ASPSCR1: variants seen among roughly 807,000 people sequenced by gnomAD.
ASPSCR1 encodes the protein ASPSCR1 tether for SLC2A4, UBX domain containing.
Under a neutral mutation model 68.9 loss-of-function variants are expected in ASPSCR1, and 55 were observed. The observed-to-expected ratio is 0.80, with a 90% confidence interval of 0.64 to 1.00. The LOEUF (loss-of-function observed/expected upper bound fraction) is 1.00, where lower values mean the gene tolerates loss of function less well. ASPSCR1 is among the 50% of genes least tolerant of loss of function. ASPSCR1 has a pLI of 0.00. For missense variants in ASPSCR1, 765 were observed against 762.2 expected (o/e 1.00, Z -0.04); for synonymous variants, 352 against 332.6 (o/e 1.06, Z -0.63).
In ASPSCR1 at chr17:81,999,889, G is replaced by T. The variant is rs570310841; in HGVS notation, c.933+3043G>T. Among the ~76,000 whole-genome samples, 2 of 152,200 alleles carry T rather than the reference G, an allele frequency of 1.3e-5. No homozygotes were observed. The highest frequency in any genetic ancestry group is 4.8e-5 in the African/African-American group (2 of 41,448). ...GGGCTCCCATCTAGCCCGGCGTCAG[G>T]GTCCAGCCCCTCTGTTTTCTGTCCC... is the stretch of plus-strand genomic sequence containing the variant. On this transcript the variant is annotated intron_variant, in intron 7 of 15. Transcript: ENST00000306739. The surrounding 1 kb of genome is among the most constrained non-coding windows in gnomAD (Gnocchi z 4.4).
Position 81,996,213 on chromosome 17 carries a change from G to T in ASPSCR1, c.506+148G>T, listed in dbSNP as rs575747075. 297 of 1,339,052 alleles carry T rather than the reference G, an allele frequency of 2.2e-4. 2 individuals carry two copies. The African/African-American group carries it at 4.0e-3, about 18-fold the overall frequency. The allele number at this position is 1,339,052 out of a possible 1,614,324, so 82.9% of individuals were successfully genotyped here. A position where few individuals can be genotyped will look rare whatever the true frequency, so the allele number is the denominator to read the frequency against. ...AGCGCCTGGTGGCCTCTGCCTGCCT[G>T]TGGGCGTGGGGGCTGGGCTGCCCCG... is the stretch of plus-strand genomic sequence containing the variant. On this transcript the variant is annotated intron_variant, in intron 6 of 15. Coordinates refer to ENST00000306739, the MANE Select transcript of ASPSCR1 (RefSeq NM_024083.4).
At chr17:81,989,740 C>T (rs1464048986) in intron 4 of ASPSCR1, among the ~76,000 whole-genome samples, 2 of 152,180 alleles carry the variant, frequency 1.3e-5, no homozygotes, top group Non-Finnish European at 2.9e-5. Context: ...AGCCCTGGCC[C>T]GACCAGCGTC....
intron 7 of ASPSCR1, chr17:82,007,779 C>T (rs937121146): frequency 1.3e-5 from 2 of 152,250 alleles, no homozygotes; most frequent in East Asian, 1.9e-4. Context: ...CAGGCGTGCT[C>T]GCGGCCCTCT....
At chr17:81,989,189 CAG>C (rs2042086480) in intron 4 of ASPSCR1, among the ~76,000 whole-genome samples, 1 of 152,206 alleles carries the variant, frequency 6.6e-6, no homozygotes, top group Non-Finnish European at 1.5e-5. Context: ...GCCTGGGCGA[CAG>C]AGCAAGACTC....
chr17:82,009,211 C>T lies in ASPSCR1; in HGVS notation c.1088+20C>T. The T allele has an allele frequency of 1.3e-6, 2 of 1,583,522 alleles. No homozygotes were observed. Among genetic ancestry groups the T allele is most frequent in the Non-Finnish European group, 1.7e-6 (2 of 1,161,752 alleles). The stretch of plus-strand genomic sequence containing the variant: ...TGAGCGGTGGGTGCCCCCTCAGTGC[C>T]TCCCGGCATCTTCGCGCCAGGGTTT... On this transcript the variant is annotated intron_variant, in intron 8 of 15. Coordinates refer to ENST00000306739, the MANE Select transcript of ASPSCR1 (RefSeq NM_024083.4).
At chr17:81,993,939 C>T (rs755751868) in intron 4 of ASPSCR1, among the ~76,000 whole-genome samples, 15 of 152,162 alleles carry the variant, frequency 9.9e-5, no homozygotes, top group Non-Finnish European at 2.2e-4. Context: ...CTCTCGGATT[C>T]CCCTCCCTGG....
chr17:82,012,626 G>A (rs952101614), intron 12 of ASPSCR1, among the ~76,000 whole-genome samples: 2 of 152,296 alleles, frequency 1.3e-5, no homozygotes, highest in East Asian at 1.9e-4. Flanking sequence ...GGAAGGGCCC[G>A]GCAGGCCTCG....
intron 11 of ASPSCR1, 114 bp downstream of exon 11, chr17:82,011,719 C>T: frequency 8.4e-7 from 1 of 1,186,882 alleles, no homozygotes. Context: ...GGAGCAGCAT[C>T]TGTGGCCTCC....
chr17:82,006,428 G>C (rs765651899), intron 7 of ASPSCR1: 1 of 152,200 alleles, frequency 6.6e-6, no homozygotes, highest in Non-Finnish European at 1.5e-5. Flanking sequence ...GAATGCAGCC[G>C]AATGATCACA....
At chr17:82,007,435 C>T (rs960307932) in intron 7 of ASPSCR1, 6 of 152,310 alleles carry the variant, frequency 3.9e-5, no homozygotes, top group Non-Finnish European at 7.3e-5. Flanking sequence ...TGGCCCCCAT[C>T]CTGGAGGCAC....
chr17:81,981,463 C>CT (rs2041792815), intron 2 of ASPSCR1, among the ~76,000 whole-genome samples: 1 of 152,260 alleles, frequency 6.6e-6, no homozygotes, highest in Admixed American at 6.5e-5. Context: ...ACTGCAACCT[C>CT]TGTCTCCCAG....
chr17:82,014,765 T>C, intron 12 of ASPSCR1: 1 of 452,820 alleles, frequency 2.2e-6, no homozygotes, highest in Non-Finnish European at 4.0e-6. Flanking sequence ...GACGTGGGCC[T>C]CCTTTCGGAA....
intron 7 of ASPSCR1, among the ~76,000 whole-genome samples, chr17:82,003,097 C>G (rs1211811749): frequency 6.7e-6 from 1 of 149,900 alleles, no homozygotes; most frequent in African/African-American, 2.5e-5. Context: ...GTCTGCCGGC[C>G]TTGGCCTCCG....
intron 7 of ASPSCR1, chr17:82,008,691 G>T: frequency 4.2e-6 from 1 of 237,372 alleles, no homozygotes; most frequent in Non-Finnish European, 8.1e-6. Flanking sequence ...CTAATTTGGC[G>T]GCTGTCGCCA....
At chr17:82,000,001 T>C (rs1193749666) in intron 7 of ASPSCR1, among the ~76,000 whole-genome samples, 2 of 152,204 alleles carry the variant, frequency 1.3e-5, no homozygotes, top group Admixed American at 6.5e-5. Flanking sequence ...ATGATGGTGT[T>C]GGCACCCCAT....
intron 4 of ASPSCR1, among the ~76,000 whole-genome samples, chr17:81,993,434 C>T (rs1169424434): frequency 2.6e-5 from 4 of 152,140 alleles, no homozygotes; most frequent in Non-Finnish European, 4.4e-5. Flanking sequence ...AGGATGGTCT[C>T]GATCTCCTGA....
rs536980449 is a variant in ASPSCR1, at chr17:81,987,796, G to A, written c.374+2189G>A. On this transcript the variant is annotated intron_variant, in intron 4 of 15. Transcript: ENST00000306739. This position sits in a 1 kb window ranked among gnomAD's most constrained non-coding sequence, Gnocchi z 5.6. ...GCTTTGGAGGAGGTTGCAGTGAGCC[G>A]AGATCGCACCATTGCACTCTAGCCT... Among the ~76,000 whole-genome samples, 21 of 151,608 alleles carry A rather than the reference G, an allele frequency of 1.4e-4. No individual in the cohort carries two copies. Among genetic ancestry groups the A allele is most frequent in the African/African-American group, 4.1e-4 (17 of 41,334 alleles).
At chr17:82,009,620 CG>C (rs111699244) in intron 9 of ASPSCR1, 53 bp downstream of exon 9, 40,209 of 1,230,088 alleles carry the variant, frequency 0.033, 499 homozygotes, top group Non-Finnish European at 0.037. Context: ...GGGGGCCCCC[CG>C]TGAGGTCTGT....
chr17:82,016,624 C>T, intron 13 of ASPSCR1, 97 bp downstream of exon 13: 1 of 1,507,030 alleles, frequency 6.6e-7, no homozygotes, highest in South Asian at 1.2e-5. Flanking sequence ...CTGGGGCCTC[C>T]TTTGGGTCTG....
Sources: allele counts gnomAD v4.1 joint callset (sites outside exome capture counted in the v4.1 genomes callset), GRCh38; gene constraint gnomAD v4.1.1; non-coding constraint Gnocchi (gnomAD v3.1); transcripts MANE v1.5; gene names NCBI Gene and HGNC (gene_info 2026-07-23, HGNC 2026-07-21).